Variants in TRPC5OS observed in about 807,000 individuals in gnomAD.
The protein encoded by TRPC5OS is putative uncharacterized protein TRPC5OS.
For synonymous variants in TRPC5OS, 30 were observed against 29.3 expected (o/e 1.02, Z -0.08); for missense variants, 64 against 79.3 (o/e 0.81, Z 0.73).
At chrX:111,895,740 C>T (rs775006293) in intron 1 of TRPC5OS, among the ~76,000 whole-genome samples, 88 of 111,247 alleles carry the variant, frequency 7.9e-4, no homozygotes, top group African/African-American at 2.8e-3. Context: ...GCCAGTACTA[C>T]GCTGTCTTAA....
chrX:111,891,302 A>C (rs764446138), intron 1 of TRPC5OS, among the ~76,000 whole-genome samples: 3 of 112,010 alleles, frequency 2.7e-5, no homozygotes, highest in Admixed American at 9.5e-5. Context: ...ACTGTCTTCC[A>C]CAATGGCTGA....
chrX:111,878,095 G>T (rs1924041066), intron 1 of TRPC5OS, among the ~76,000 whole-genome samples: 3 of 110,525 alleles, frequency 2.7e-5, no homozygotes, highest in Non-Finnish European at 5.7e-5. Context: ...GGAAAGAGTA[G>T]TAGCCTCCTT....
chrX:111,896,339 C>T lies in TRPC5OS; in HGVS notation c.-399-68C>T, dbSNP rs755219199. On this transcript the variant is annotated intron_variant, in intron 2 of 3. Coordinates refer to ENST00000635763, the MANE Select transcript of TRPC5OS (RefSeq NM_001195578.2). ...ATCTCGTCCTTGCTTATCCTTAAAC[C>T]TATCGATTTCGCAATTTATCTTTTT... 5 of 99,599 alleles carry T rather than the reference C, an allele frequency of 5.0e-5. No homozygotes were observed. In the Admixed American group the frequency reaches 5.2e-4, roughly 10 times the overall value. 8.2% of individuals were successfully genotyped at this position (99,599 alleles called of 1,213,427 possible).
At chrX:111,889,420 C>T (rs1924696556) in intron 1 of TRPC5OS, among the ~76,000 whole-genome samples, 1 of 112,246 alleles carries the variant, frequency 8.9e-6, no homozygotes, top group African/African-American at 3.2e-5. Flanking sequence ...TCAGATTCCC[C>T]TGGCTCTAGC....
chrX:111,887,293 T>A (rs1332084556), intron 1 of TRPC5OS, among the ~76,000 whole-genome samples: 1 of 112,660 alleles, frequency 8.9e-6, no homozygotes. Context: ...AATGTTGCTT[T>A]CTTTCTTTCT....
rs1925475129 is a variant in TRPC5OS, at chrX:111,903,704, G to A, written c.*1519G>A. ...TTAAAGCCAATTATTATATAGCATG[G>A]CAGAAAAGAGAGGGGCTCATCATTC... On this transcript the variant is annotated 3_prime_UTR_variant, in exon 4 of 4. Transcript: ENST00000635763. 8.9e-6 allele frequency: 1 copy of A among 111,887 alleles called. No individual in the cohort carries two copies. Among genetic ancestry groups the A allele is most frequent in the Non-Finnish European group, 1.9e-5 (1 of 53,159 alleles). 9.2% of individuals were successfully genotyped at this position (111,887 alleles called of 1,213,427 possible).
At chrX:111,884,606 C>T (rs1162054278) in intron 1 of TRPC5OS, among the ~76,000 whole-genome samples, 1 of 112,540 alleles carries the variant, frequency 8.9e-6, no homozygotes, top group African/African-American at 3.2e-5. Context: ...TAGTCATAAC[C>T]TAAGTTTAGA....
chrX:111,890,573 A>T (rs1289387894), intron 1 of TRPC5OS, among the ~76,000 whole-genome samples: 1 of 111,583 alleles, frequency 9.0e-6, no homozygotes, highest in Non-Finnish European at 1.9e-5. Context: ...CCAAGAGACA[A>T]ACATTGTGTT....
chrX:111,884,763 T>C (rs1486244387), intron 1 of TRPC5OS, among the ~76,000 whole-genome samples: 1 of 113,026 alleles, frequency 8.8e-6, no homozygotes, highest in Non-Finnish European at 1.9e-5. Flanking sequence ...TTATAGCCTA[T>C]CCAGTGGATA....
At chrX:111,887,255 T>A (rs1924549905) in intron 1 of TRPC5OS, among the ~76,000 whole-genome samples, 1 of 112,725 alleles carries the variant, frequency 8.9e-6, no homozygotes, top group South Asian at 3.6e-4. Flanking sequence ...AACAAATAAT[T>A]TATTCCACTA....
At chrX:111,881,344 C>G (rs1035571666) in intron 1 of TRPC5OS, among the ~76,000 whole-genome samples, 2 of 109,748 alleles carry the variant, frequency 1.8e-5, no homozygotes, top group Non-Finnish European at 3.8e-5. Context: ...ACCCAGCTAA[C>G]TTCTTGTATT....
At chrX:111,876,752 T>C (rs1316261534) in intron 1 of TRPC5OS, among the ~76,000 whole-genome samples, 1 of 112,180 alleles carries the variant, frequency 8.9e-6, no homozygotes, top group Non-Finnish European at 1.9e-5. Flanking sequence ...GGTTATCATA[T>C]ACTTCTCTGA....
At position 111,897,142 on chromosome X, in the gene TRPC5OS, C is replaced by T. The variant is rs1477066681; in HGVS notation, c.-311+647C>T. Among the ~76,000 whole-genome samples the T allele has an allele frequency of 4.5e-5, 5 of 111,323 alleles. No homozygotes were observed. In the South Asian group the frequency reaches 1.1e-3, roughly 25 times the overall value. ...TTCATGTTTAGACTTGGGTCCCATT[C>T]CTAAGATATCTCATTATGTATATTT... On this transcript the variant is annotated intron_variant, in intron 3 of 3. Transcript: ENST00000635763.
At chrX:111,877,695 A>G (rs1231991667) in intron 1 of TRPC5OS, among the ~76,000 whole-genome samples, 2 of 111,240 alleles carry the variant, frequency 1.8e-5, no homozygotes, top group African/African-American at 6.5e-5. Context: ...AACTACTGCA[A>G]ATCCTTTGTG....
intron 1 of TRPC5OS, among the ~76,000 whole-genome samples, chrX:111,894,532 A>C (rs1257760291): frequency 9.0e-6 from 1 of 111,359 alleles, no homozygotes; most frequent in Admixed American, 9.6e-5. Context: ...CGGCCTAGCT[A>C]TCAGGGTCTC....
At position 111,902,940 on chromosome X, in the gene TRPC5OS, G is replaced by C. The variant is rs1307834269; in HGVS notation, c.*755G>C. ...TAATCAAAGAGAGAAGTAATAGAAG[G>C]GCTAAGCAAAGCCCTACAAGGACTA... On this transcript the variant is annotated 3_prime_UTR_variant, in exon 4 of 4. Coordinates refer to ENST00000635763, the MANE Select transcript of TRPC5OS (RefSeq NM_001195578.2). 9.0e-6 allele frequency: 1 copy of C among 111,518 alleles called. No individual in the cohort carries two copies. Among genetic ancestry groups the C allele is most frequent in the Non-Finnish European group, 1.9e-5 (1 of 53,029 alleles). The allele number at this position is 111,518 out of a possible 1,213,427, so 9.2% of individuals were successfully genotyped here.
chrX:111,888,758 G>A (rs1170713065), intron 1 of TRPC5OS, among the ~76,000 whole-genome samples: 1 of 107,286 alleles, frequency 9.3e-6, no homozygotes, highest in Non-Finnish European at 1.9e-5. Flanking sequence ...GTGAGGCAAG[G>A]CAAAGAGACT....
chrX:111,891,579 C>T (rs182982606), intron 1 of TRPC5OS, among the ~76,000 whole-genome samples: 3 of 111,172 alleles, frequency 2.7e-5, no homozygotes, highest in East Asian at 2.8e-4. Flanking sequence ...CTCACACTGT[C>T]GCCCAGGCTG....
At chrX:111,876,393 T>C (rs1220540571) in intron 1 of TRPC5OS, 120 bp downstream of exon 1, 1 of 111,985 alleles carries the variant, frequency 8.9e-6, no homozygotes, top group Non-Finnish European at 1.9e-5. Flanking sequence ...GCACTTGCCT[T>C]CTTCTCCTGG....
Sources: gnomAD v4.1 joint callset for allele counts (sites outside exome capture counted in the v4.1 genomes callset) on GRCh38, gnomAD v4.1.1 for gene constraint, MANE v1.5 for transcripts, NCBI Gene and HGNC (gene_info 2026-07-23, HGNC 2026-07-21) for gene names.